NDST4: variants seen among roughly 807,000 people sequenced by gnomAD.
The protein encoded by NDST4 is N-deacetylase and N-sulfotransferase 4, also known as N-heparan sulfate sulfotransferase 4.
A neutral mutation model predicts 100.8 loss-of-function variants in NDST4; 63 were observed. The ratio of observed to expected loss-of-function variants is 0.62; its 90% CI spans 0.51 to 0.77. The LOEUF (loss-of-function observed/expected upper bound fraction) is 0.77, where lower values mean the gene tolerates loss of function less well. Among genes scored for constraint, NDST4 ranks in the 30% least tolerant of loss-of-function variants. NDST4 has a pLI of 0.00. For missense variants in NDST4, 943 were observed against 1,018.4 expected (o/e 0.93, Z 1.01); for synonymous variants, 377 against 361.8 (o/e 1.04, Z -0.48).
Position 114,827,774 on chromosome 4 carries a change from A to T in NDST4, c.*42T>A. 6.3e-7 allele frequency: 1 copy of T among 1,581,586 alleles called. No homozygotes were observed. The highest frequency in any genetic ancestry group is 1.9e-5 in the Admixed American group (1 of 53,190). On this transcript the variant is annotated 3_prime_UTR_variant, in exon 14 of 14. Transcript: ENST00000264363. ...TAAAGGTGGATTTATTTTTTTTTTA[A>T]CACTAAAAGTATCTTGAGAGGCTTA...
rs370677123 is a variant in NDST4 at position 114,925,172 on chromosome 4, G to T, written c.1536+10034C>A. Among the ~76,000 whole-genome samples the T allele has an allele frequency of 4.6e-5, 7 of 151,952 alleles. No individual in the cohort carries two copies. In the South Asian group the frequency reaches 1.0e-3, roughly 23 times the overall value. ...CTTTAAACCACTGTGTTTCTATGTG[G>T]TTTCTATTTCTATAAACCACAATGT... On this transcript the variant is annotated intron_variant, in intron 6 of 13. Transcript: ENST00000264363.
At chr4:115,034,042 AT>A (rs1728179433) in intron 2 of NDST4, among the ~76,000 whole-genome samples, 1 of 152,094 alleles carries the variant, frequency 6.6e-6, no homozygotes, top group East Asian at 1.9e-4. Flanking sequence ...AAAGCCTCAA[AT>A]GCCCTAACCA....
chr4:114,877,227 C>T (rs1000818142), intron 6 of NDST4, among the ~76,000 whole-genome samples: 2 of 152,278 alleles, frequency 1.3e-5, no homozygotes, highest in Non-Finnish European at 2.9e-5. Flanking sequence ...ATTTTATTTA[C>T]CTGGTGAATT....
chr4:114,834,287 G>A (rs1305235168), intron 11 of NDST4, among the ~76,000 whole-genome samples: 1 of 152,138 alleles, frequency 6.6e-6, no homozygotes, highest in Non-Finnish European at 1.5e-5. Context: ...GCTGAGGTGG[G>A]TGGATCACCT....
At chr4:114,867,537 G>A (rs1244664577) in intron 7 of NDST4, among the ~76,000 whole-genome samples, 1 of 151,214 alleles carries the variant, frequency 6.6e-6, no homozygotes, top group Non-Finnish European at 1.5e-5. Context: ...GACTGGAACT[G>A]AGCTAAGCTG....
intron 4 of NDST4, among the ~76,000 whole-genome samples, chr4:114,969,751 C>T (rs926702611): frequency 1.3e-5 from 2 of 152,130 alleles, no homozygotes; most frequent in African/African-American, 2.4e-5. Flanking sequence ...CATGACTTTG[C>T]TGTTGTGAAT....
At chr4:115,111,340 T>C (rs1184527104) in intron 1 of NDST4, among the ~76,000 whole-genome samples, 1 of 151,840 alleles carries the variant, frequency 6.6e-6, no homozygotes, top group African/African-American at 2.4e-5. Flanking sequence ...TAATCTCAAA[T>C]AAAAAATGAA....
chr4:114,953,810 T>C (rs1441638), intron 4 of NDST4, among the ~76,000 whole-genome samples: 118,561 of 152,076 alleles, frequency 0.78, 46,828 homozygotes, highest in African/African-American at 0.92. Context: ...GCATACTTAA[T>C]ATCAACAGCA....
chr4:115,040,018 C>T (rs1009877494), intron 2 of NDST4, among the ~76,000 whole-genome samples: 1 of 151,670 alleles, frequency 6.6e-6, no homozygotes, highest in Non-Finnish European at 1.5e-5. Flanking sequence ...CATATATATA[C>T]ACACACATAC....
intron 1 of NDST4, among the ~76,000 whole-genome samples, chr4:115,083,020 C>A (rs546795914): frequency 6.6e-6 from 1 of 152,288 alleles, no homozygotes; most frequent in African/African-American, 2.4e-5. Flanking sequence ...CTGACCTTGA[C>A]TTTTCGTGAT....
At chr4:114,899,927 A>T (rs1292086558) in intron 6 of NDST4, among the ~76,000 whole-genome samples, 2 of 152,048 alleles carry the variant, frequency 1.3e-5, no homozygotes, top group African/African-American at 4.8e-5. Flanking sequence ...TTTTTTCCTT[A>T]AATGTTTGTT....
chr4:114,931,206 TATA>T (rs1725505892), intron 6 of NDST4, among the ~76,000 whole-genome samples: 1 of 151,528 alleles, frequency 6.6e-6, no homozygotes, highest in African/African-American at 2.4e-5. Flanking sequence ...TGAGATATTA[TATA>T]ATATTTAATT....
At chr4:115,022,307 G>GTACATATGTGTTCCACA (rs1342541727) in intron 2 of NDST4, among the ~76,000 whole-genome samples, 1 of 146,544 alleles carries the variant, frequency 6.8e-6, no homozygotes, top group South Asian at 2.1e-4. Flanking sequence ...TATGTTCCAC[G>GTACATATGTGTTCCACA]TACATATGTG....
At chr4:115,006,793 T>TA (rs1421062087) in intron 2 of NDST4, among the ~76,000 whole-genome samples, 13 of 152,100 alleles carry the variant, frequency 8.5e-5, no homozygotes, top group African/African-American at 3.1e-4. Context: ...TACAGAGACA[T>TA]ATGTAGAATT....
intron 6 of NDST4, among the ~76,000 whole-genome samples, chr4:114,900,630 T>C (rs1724816913): frequency 6.6e-6 from 1 of 152,130 alleles, no homozygotes; most frequent in Non-Finnish European, 1.5e-5. Context: ...ATAGGAGCAA[T>C]AGACTGAACT....
intron 2 of NDST4, among the ~76,000 whole-genome samples, chr4:115,009,013 C>G (rs1727482540): frequency 8.0e-6 from 1 of 125,728 alleles, no homozygotes; most frequent in African/African-American, 3.0e-5. Context: ...AACTACAAAC[C>G]ACTGCTCAAT....
At chr4:114,840,804 G>A (rs57373725) in intron 10 of NDST4, among the ~76,000 whole-genome samples, 3,535 of 152,244 alleles carry the variant, frequency 0.023, 170 homozygotes, top group South Asian at 0.17. Flanking sequence ...TTATGTGTGA[G>A]TGATGGATCT....
chr4:114,973,073 A>G (rs920051435), intron 3 of NDST4, among the ~76,000 whole-genome samples: 1 of 152,078 alleles, frequency 6.6e-6, no homozygotes, highest in South Asian at 2.1e-4. Flanking sequence ...CACTGGAAAC[A>G]GCTTAATAAA....
intron 6 of NDST4, among the ~76,000 whole-genome samples, chr4:114,921,541 C>A (rs776691120): frequency 5.3e-5 from 8 of 152,140 alleles, no homozygotes; most frequent in South Asian, 2.1e-4. Context: ...ATAACAATTG[C>A]AACCAAATTA....
Sources: gnomAD v4.1 joint callset for allele counts (sites outside exome capture counted in the v4.1 genomes callset) on GRCh38, gnomAD v4.1.1 for gene constraint, MANE v1.5 for transcripts, NCBI Gene and HGNC (gene_info 2026-07-23, HGNC 2026-07-21) for gene names.